The following GLRA3 variants were observed in gnomAD, a reference collection of about 807,000 sequenced individuals.
The protein encoded by GLRA3 is glycine receptor alpha 3, also known as glycine receptor subunit alpha-3.
In GLRA3, 44 loss-of-function variants were observed where a neutral mutation model predicts 60.4. That is an observed-to-expected ratio of 0.73 (90% CI 0.57 to 0.94). The LOEUF (loss-of-function observed/expected upper bound fraction) is 0.94. GLRA3 is among the 40% of genes least tolerant of loss of function. The pLI is 0.00. For synonymous variants in GLRA3, 223 were observed against 192.9 expected, an observed-to-expected ratio of 1.16 and a Z score of -1.29; for missense variants, 508 against 564.6, an observed-to-expected ratio of 0.90 and a Z score of 1.02.
At chr4:174,758,954 T>C (rs1297249502) in intron 3 of GLRA3, among the ~76,000 whole-genome samples, 1 of 152,150 alleles carries the variant, frequency 6.6e-6, no homozygotes, top group Non-Finnish European at 1.5e-5. Flanking sequence ...ACTTAATACC[T>C]ATTTTATGTT....
chr4:174,822,538 G>A (rs762147986), intron 1 of GLRA3, among the ~76,000 whole-genome samples: 99 of 152,228 alleles, frequency 6.5e-4, no homozygotes, highest in Non-Finnish European at 1.1e-3. Flanking sequence ...TTATCACTAG[G>A]AATTTTAAAG....
chr4:174,671,177 T>C (rs959362096), intron 7 of GLRA3, among the ~76,000 whole-genome samples: 3 of 152,188 alleles, frequency 2.0e-5, no homozygotes, highest in Non-Finnish European at 4.4e-5. Flanking sequence ...ACTTGGATCA[T>C]GTTTGTACTG....
chr4:174,783,675 T>C (rs1738991964), intron 2 of GLRA3, among the ~76,000 whole-genome samples: 2 of 146,242 alleles, frequency 1.4e-5, no homozygotes, highest in African/African-American at 2.5e-5. Flanking sequence ...GAACAGACAC[T>C]TCTCAAAAGA....
chr4:174,809,354 T>A (rs1740173063), intron 1 of GLRA3, among the ~76,000 whole-genome samples: 1 of 152,290 alleles, frequency 6.6e-6, no homozygotes, highest in South Asian at 2.1e-4. Flanking sequence ...CTGTATCACC[T>A]AACAATGTAT....
chr4:174,758,369 T>G (rs2111215212), intron 3 of GLRA3, among the ~76,000 whole-genome samples: 1 of 152,328 alleles, frequency 6.6e-6, no homozygotes, highest in South Asian at 2.1e-4. Context: ...AGTGGTACTT[T>G]ACTTCTGTGG....
chr4:174,754,548 T>C (rs1737614489), intron 3 of GLRA3, among the ~76,000 whole-genome samples: 1 of 152,216 alleles, frequency 6.6e-6, no homozygotes, highest in East Asian at 1.9e-4. Context: ...ACATGAACAT[T>C]GTTGAATTTA....
At chr4:174,701,236 T>C (rs1430437380) in intron 5 of GLRA3, among the ~76,000 whole-genome samples, 5 of 152,138 alleles carry the variant, frequency 3.3e-5, no homozygotes, top group Admixed American at 2.6e-4. Flanking sequence ...TCAAAGATCC[T>C]AGGGCCCTTA....
intron 7 of GLRA3, among the ~76,000 whole-genome samples, chr4:174,660,586 G>A (rs1733396728): frequency 6.6e-6 from 1 of 152,100 alleles, no homozygotes; most frequent in African/African-American, 2.4e-5. Context: ...TCCCATGCAT[G>A]GAATATTTTG....
chr4:174,682,240 C>T (rs545855300), intron 6 of GLRA3, among the ~76,000 whole-genome samples: 1 of 152,232 alleles, frequency 6.6e-6, no homozygotes, highest in South Asian at 2.1e-4. Flanking sequence ...GTTAAAGCAA[C>T]TGAACAGAAT....
intron 2 of GLRA3, among the ~76,000 whole-genome samples, chr4:174,779,560 T>C (rs1738778363): frequency 6.6e-6 from 1 of 151,980 alleles, no homozygotes; most frequent in Admixed American, 6.6e-5. Flanking sequence ...AGTTGAAAAC[T>C]TTGAAAAAAA....
rs1732582813 is a variant in GLRA3, at chr4:174,639,677, G to A, written c.*4109C>T. The A allele has an allele frequency of 6.6e-6, 1 of 152,062 alleles. No homozygotes were observed. The highest frequency in any genetic ancestry group is 1.5e-5 in the Non-Finnish European group (1 of 67,976). The allele number at this position is 152,062 out of a possible 1,614,324, so 9.4% of individuals were successfully genotyped here. A position where few individuals can be genotyped will look rare whatever the true frequency, so the allele number is the denominator to read the frequency against. ...ACTTTTGAAGTAATTGGAGTACCAG[G>A]TGTCTCCCTATGGAAGTTCACTTTT... On this transcript the variant is annotated 3_prime_UTR_variant, in exon 10 of 10. Coordinates refer to ENST00000274093, the MANE Select transcript of GLRA3 (RefSeq NM_006529.4).
chr4:174,744,759 A>G (rs562738137), intron 3 of GLRA3, among the ~76,000 whole-genome samples: 1 of 152,310 alleles, frequency 6.6e-6, no homozygotes, highest in East Asian at 1.9e-4. Flanking sequence ...AAGAAATATG[A>G]CGCCTTCAAG....
intron 1 of GLRA3, among the ~76,000 whole-genome samples, chr4:174,824,829 A>G (rs1179645873): frequency 6.6e-6 from 1 of 152,084 alleles, no homozygotes; most frequent in African/African-American, 2.4e-5. Context: ...CGTTTATTCT[A>G]GACTCTAAGT....
chr4:174,644,155 T>C lies in GLRA3; in HGVS notation c.1117-91A>G. ...GAATCATAACCAATTTTATCATGGT[T>C]AATATTTACATTAATATAAGGAAAA... On this transcript the variant is annotated intron_variant, in intron 9 of 9. Coordinates refer to ENST00000274093, the MANE Select transcript of GLRA3 (RefSeq NM_006529.4). 3 of 733,400 alleles carry C rather than the reference T, an allele frequency of 4.1e-6. No individual in the cohort carries two copies. The South Asian group carries it at 5.6e-5, about 14-fold the overall frequency. The allele number at this position is 733,400 out of a possible 1,614,324, so 45.4% of individuals were successfully genotyped here.
At chr4:174,736,309 T>A (rs1463809573) in intron 3 of GLRA3, among the ~76,000 whole-genome samples, 1 of 152,136 alleles carries the variant, frequency 6.6e-6, no homozygotes, top group Non-Finnish European at 1.5e-5. Context: ...TTTAAAAATT[T>A]AAAAAATCGT....
chr4:174,723,142 A>T (rs989672760), intron 4 of GLRA3, among the ~76,000 whole-genome samples: 1 of 152,148 alleles, frequency 6.6e-6, no homozygotes, highest in African/African-American at 2.4e-5. Flanking sequence ...GAGCATTTCC[A>T]GGGGACATAG....
chr4:174,822,411 C>T (rs1431849477), intron 1 of GLRA3, among the ~76,000 whole-genome samples: 3 of 152,044 alleles, frequency 2.0e-5, no homozygotes, highest in South Asian at 2.1e-4. Context: ...CAGAAACAAA[C>T]ATTTATGGAA....
intron 7 of GLRA3, among the ~76,000 whole-genome samples, chr4:174,670,367 A>G (rs753517325): frequency 2.6e-5 from 4 of 152,146 alleles, no homozygotes; most frequent in Non-Finnish European, 4.4e-5. Context: ...TCATGGAGAC[A>G]GATAAAGCCT....
intron 4 of GLRA3, among the ~76,000 whole-genome samples, chr4:174,717,023 A>G (rs1735945517): frequency 1.3e-5 from 2 of 151,530 alleles, no homozygotes; most frequent in South Asian, 4.2e-4. Context: ...CAACATAAAA[A>G]TACTCTATCT....
Sources: allele counts gnomAD v4.1 joint callset (sites outside exome capture counted in the v4.1 genomes callset), GRCh38; gene constraint gnomAD v4.1.1; transcripts MANE v1.5; gene names NCBI Gene and HGNC (gene_info 2026-07-23, HGNC 2026-07-21).